HGF: variants seen among roughly 807,000 people sequenced by gnomAD.
HGF encodes the protein fibroblast-derived tumor cytotoxic factor.
In HGF, 39 loss-of-function variants were observed where a neutral mutation model predicts 111.6. That is an observed-to-expected ratio of 0.35 (90% CI 0.27 to 0.46). The LOEUF is 0.46. Ranked by LOEUF, HGF falls within the 20% of genes least tolerant of loss-of-function variation. The pLI is 1.00. For synonymous variants in HGF, 285 were observed against 294.8 expected (o/e 0.97, Z 0.34); for missense variants, 735 against 910.5 (o/e 0.81, Z 2.48).
chr7:81,742,960 A>G (rs899716340), intron 7 of HGF: 1 of 1,612,048 alleles, frequency 6.2e-7, no homozygotes, highest in Middle Eastern at 1.7e-4. Context: ...CTGGGGAGGA[A>G]AGGTAGGTAA....
intron 7 of HGF, among the ~76,000 whole-genome samples, chr7:81,736,403 C>T (rs1787827470): frequency 6.6e-6 from 1 of 151,948 alleles, no homozygotes; most frequent in Non-Finnish European, 1.5e-5. Flanking sequence ...ACCCAAGTAT[C>T]CTTTATTTTA....
At position 81,729,235 on chromosome 7, in the gene HGF, C is replaced by T. The variant is rs567516256; in HGVS notation, c.1040+370G>A. Among the ~76,000 whole-genome samples the T allele has an allele frequency of 6.5e-4, 7 of 10,756 alleles. 3 individuals carry two copies. The highest frequency in any genetic ancestry group is 0.013 in the East Asian group (2 of 150). 7.1% of individuals were successfully genotyped at this position (10,756 alleles called of 152,430 possible). On this transcript the variant is annotated intron_variant, in intron 8 of 17. Transcript: ENST00000222390. ...ATGTGTAATCCTCCCAAAGCTAATACGAAAATTTAAGAAGGCAGTATTTTG... is the reference window on the plus strand; with the variant it reads ...ATGTGTAATCCTCCCAAAGCTAATATGAAAATTTAAGAAGGCAGTATTTTG...
At chr7:81,705,850 G>T in intron 15 of HGF, 97 bp from the exon 16 acceptor site, 3 of 696,500 alleles carry the variant, frequency 4.3e-6, no homozygotes, top group African/African-American at 2.0e-5. Flanking sequence ...GGCATTTACA[G>T]AGAATGAAGT....
At chr7:81,751,147 G>T in intron 5 of HGF, 1 of 890,386 alleles carries the variant, frequency 1.1e-6, no homozygotes, top group Non-Finnish European at 1.3e-6. Context: ...AATATTTATG[G>T]AGGAAATATT....
intron 7 of HGF, among the ~76,000 whole-genome samples, chr7:81,741,238 ACTTTT>A (rs1413238560): frequency 6.6e-6 from 1 of 152,140 alleles, no homozygotes; most frequent in Non-Finnish European, 1.5e-5. Context: ...AGCTCAGAAG[ACTTTT>A]TAAATTTGAG....
At chr7:81,758,878 A>G in intron 2 of HGF, 74 bp from the exon 3 acceptor site, 1 of 930,152 alleles carries the variant, frequency 1.1e-6, no homozygotes, top group Non-Finnish European at 1.8e-6. Flanking sequence ...CATATGGTTC[A>G]TCTTGTCCAT....
chr7:81,717,845 T>G (rs1488583460), intron 10 of HGF, among the ~76,000 whole-genome samples: 4 of 152,174 alleles, frequency 2.6e-5, no homozygotes, highest in African/African-American at 9.6e-5. Context: ...GAATAATGTG[T>G]TAATTAAATA....
chr7:81,731,309 T>G (rs971187069), intron 7 of HGF, among the ~76,000 whole-genome samples: 8 of 152,210 alleles, frequency 5.3e-5, no homozygotes, highest in Non-Finnish European at 1.2e-4. Flanking sequence ...TTTGTATATC[T>G]GCTTCAGAGA....
chr7:81,702,066 C>T lies in HGF; in HGVS notation c.*515G>A, dbSNP rs1297160668. The T allele has an allele frequency of 1.6e-5, 3 of 187,112 alleles. No homozygotes were observed. The highest frequency in any genetic ancestry group is 8.8e-5 in the East Asian group (1 of 11,378). 11.6% of individuals were successfully genotyped at this position (187,112 alleles called of 1,614,324 possible). On this transcript the variant is annotated 3_prime_UTR_variant, in exon 18 of 18. Transcript: ENST00000222390. ...TATGTGGTTTTGTAAAAAGTGTGTT[C>T]GTGTACCAGTATTGCAGGATACATG... is the stretch of plus-strand genomic sequence containing the variant.
chr7:81,761,796 G>T (rs1356986372), intron 2 of HGF, among the ~76,000 whole-genome samples: 1 of 151,454 alleles, frequency 6.6e-6, no homozygotes, highest in Non-Finnish European at 1.5e-5. Flanking sequence ...GGTGTGGAGT[G>T]GGGGTGGGGG....
At chr7:81,721,900 T>A (rs1235243673) in intron 9 of HGF, among the ~76,000 whole-genome samples, 3 of 152,228 alleles carry the variant, frequency 2.0e-5, no homozygotes, top group Non-Finnish European at 4.4e-5. Context: ...TAGGCATACG[T>A]TAATGAATTT....
intron 9 of HGF, among the ~76,000 whole-genome samples, chr7:81,724,385 C>A (rs1472718132): frequency 6.6e-6 from 1 of 152,080 alleles, no homozygotes; most frequent in East Asian, 1.9e-4. Context: ...TGAGATGGAG[C>A]TTTAAATTTG....
At chr7:81,744,056 A>AAGAC (rs1394187812) in intron 6 of HGF, among the ~76,000 whole-genome samples, 1 of 152,180 alleles carries the variant, frequency 6.6e-6, no homozygotes, top group Non-Finnish European at 1.5e-5. Flanking sequence ...CTTAAACGAC[A>AAGAC]AGACAAGCAT....
At position 81,699,199 on chromosome 7, in the gene HGF, C is replaced by T. The variant is rs941571650; in HGVS notation, c.*3382G>A. 2.0e-5 allele frequency: 3 copies of T among 151,658 alleles called. No individual in the cohort carries two copies. Among genetic ancestry groups the T allele is most frequent in the Admixed American group, 1.3e-4 (2 of 15,184 alleles). 9.4% of individuals were successfully genotyped at this position (151,658 alleles called of 1,614,324 possible). ...TTACATACAAGACAAACAGTCATAG[C>T]ATCCACAGTATTTCATTTTCAGTTT... is the stretch of plus-strand genomic sequence containing the variant. On this transcript the variant is annotated 3_prime_UTR_variant, in exon 18 of 18. Transcript: ENST00000222390.
chr7:81,751,157 T>C (rs1788480240), intron 5 of HGF: 1 of 912,824 alleles, frequency 1.1e-6, no homozygotes, highest in Admixed American at 6.2e-5. Flanking sequence ...GAGGAAATAT[T>C]TTTAAAAATA....
intron 10 of HGF, 45 bp from the exon 11 acceptor site, chr7:81,717,410 T>C: frequency 1.9e-6 from 3 of 1,559,232 alleles, no homozygotes; most frequent in Non-Finnish European, 8.8e-7. Flanking sequence ...GCTCATTCCA[T>C]CCAAGAGACA....
chr7:81,702,891 T>G, intron 17 of HGF, 134 bp from the exon 18 acceptor site: 1 of 747,544 alleles, frequency 1.3e-6, no homozygotes, highest in South Asian at 1.7e-5. Context: ...TATGAAGATA[T>G]AAAAATTAGT....
intron 11 of HGF, among the ~76,000 whole-genome samples, chr7:81,716,985 T>G (rs1789729338): frequency 6.6e-6 from 1 of 152,124 alleles, no homozygotes; most frequent in Non-Finnish European, 1.5e-5. Context: ...AATGGAAATC[T>G]TCTGAGGGAA....
At position 81,743,417 on chromosome 7, in the gene HGF, C is replaced by T. The variant is rs1788088901; in HGVS notation, c.801G>A (p.Pro267=). Residue 267 remains proline, a synonymous_variant, in exon 7 of 18, where the codon CCG becomes CCA. Transcript: ENST00000222390. Reference sequence around the variant, plus strand: ...GGTCAAGAGTATAGCACCATGGCCTCGGCTGGCCATCGGGATTGCGGCAAT... The same window carrying T: ...GGTCAAGAGTATAGCACCATGGCCTTGGCTGGCCATCGGGATTGCGGCAAT... ...DNYCRNPDGQ[P]RPWCYTLDPH... 3.7e-6 allele frequency: 6 copies of T among 1,613,852 alleles called. No homozygotes were observed. The highest frequency in any genetic ancestry group is 1.1e-5 in the South Asian group (1 of 91,068).
Sources: allele counts gnomAD v4.1 joint callset (sites outside exome capture counted in the v4.1 genomes callset), GRCh38; gene constraint gnomAD v4.1.1; transcripts MANE v1.5; gene names NCBI Gene and HGNC (gene_info 2026-07-23, HGNC 2026-07-21).